Variants in PARD3 observed in about 807,000 individuals in gnomAD.
The protein encoded by PARD3 is par-3 family cell polarity regulator.
PARD3 carries 75 observed loss-of-function variants against 155.4 expected under a neutral mutation model. That is an observed-to-expected ratio of 0.48 (90% CI 0.40 to 0.58). The LOEUF (loss-of-function observed/expected upper bound fraction) is 0.58. Among genes scored for constraint, PARD3 ranks in the 20% least tolerant of loss-of-function variants. The pLI is 0.00. For synonymous variants in PARD3, 576 were observed against 610.5 expected (o/e 0.94, Z 0.83); for missense variants, 1,642 against 1,721.7 (o/e 0.95, Z 0.82).
chr10:34,456,783 T>A (rs980012209), intron 4 of PARD3, among the ~76,000 whole-genome samples: 1 of 152,210 alleles, frequency 6.6e-6, no homozygotes, highest in Non-Finnish European at 1.5e-5. Context: ...CCATAGTTCT[T>A]AAAACTCATT....
intron 2 of PARD3, among the ~76,000 whole-genome samples, chr10:34,528,980 C>G (rs2082657123): frequency 6.6e-6 from 1 of 152,108 alleles, no homozygotes; most frequent in African/African-American, 2.4e-5. Flanking sequence ...AGGAAAATGA[C>G]AGATTTTAGG....
chr10:34,814,848 C>A (rs1308926934), intron 1 of PARD3, 28 bp downstream of exon 1: 1 of 1,410,116 alleles, frequency 7.1e-7, no homozygotes, highest in East Asian at 2.8e-5. Flanking sequence ...CCGCCGCCCC[C>A]TCCCCGCCCG....
At chr10:34,754,656 G>A (rs1448517641) in intron 1 of PARD3, among the ~76,000 whole-genome samples, 1 of 152,154 alleles carries the variant, frequency 6.6e-6, no homozygotes, top group Non-Finnish European at 1.5e-5. Flanking sequence ...TTACTAACAT[G>A]TAAAAATTCC....
At chr10:34,649,129 C>A (rs2092931733) in intron 2 of PARD3, among the ~76,000 whole-genome samples, 1 of 152,154 alleles carries the variant, frequency 6.6e-6, no homozygotes, top group Non-Finnish European at 1.5e-5. Flanking sequence ...ACATGCATCG[C>A]TTAACAGGGG....
At chr10:34,220,479 G>A (rs1455137397) in intron 22 of PARD3, among the ~76,000 whole-genome samples, 2 of 152,180 alleles carry the variant, frequency 1.3e-5, no homozygotes, top group African/African-American at 4.8e-5. Context: ...TTACCTGTGC[G>A]ATTTTGTGCT....
intron 2 of PARD3, among the ~76,000 whole-genome samples, chr10:34,600,330 G>C (rs1175657088): frequency 6.6e-6 from 1 of 151,980 alleles, no homozygotes; most frequent in Admixed American, 6.6e-5. Context: ...GGGCGACAGA[G>C]CGAGACCCCG....
intron 23 of PARD3, among the ~76,000 whole-genome samples, chr10:34,129,441 T>C (rs559860014): frequency 3.3e-5 from 5 of 152,162 alleles, no homozygotes; most frequent in Admixed American, 6.5e-5. Context: ...GCACAAGCCA[T>C]TGTGCCTGGC....
intron 5 of PARD3, among the ~76,000 whole-genome samples, chr10:34,412,208 C>T (rs771346221): frequency 2.4e-4 from 36 of 152,074 alleles, no homozygotes; most frequent in Non-Finnish European, 4.7e-4. Context: ...AGCGATCTTC[C>T]CACCTTGGCC....
chr10:34,120,004 ATTTTTTTTTTTTTTTT>A (rs1185067110), intron 23 of PARD3, among the ~76,000 whole-genome samples: 1 of 73,794 alleles, frequency 1.4e-5, no homozygotes, highest in South Asian at 4.3e-4. Context: ...GTCTTCTTTA[ATTTTTTTTTTTTTTTT>A]TTTTTTTTTT....
intron 2 of PARD3, among the ~76,000 whole-genome samples, chr10:34,535,525 C>T (rs767212076): frequency 7.2e-5 from 11 of 152,172 alleles, no homozygotes; most frequent in Non-Finnish European, 1.6e-4. Context: ...CTCACTCTGT[C>T]GCCCAGGCTG....
intron 22 of PARD3, among the ~76,000 whole-genome samples, chr10:34,231,266 C>CA (rs57175956): frequency 0.11 from 8,757 of 81,704 alleles, 1,021 homozygotes; most frequent in East Asian, 0.47. Flanking sequence ...TAATCTTAGG[C>CA]AAAAAAAAAA....
In PARD3 at chr10:34,500,041, A is replaced by C. The variant is rs538557105; in HGVS notation, c.403+16938T>G. Among the ~76,000 whole-genome samples, 4 of 152,320 alleles carry C rather than the reference A, an allele frequency of 2.6e-5. No homozygotes were observed. In the South Asian group the frequency reaches 8.3e-4, roughly 32 times the overall value. The stretch of plus-strand genomic sequence containing the variant: ...AGTACAGATGCAATTTTTTTCAAAC[A>C]TTTTCAATCCATGTTGGCTGAAGCC... On this transcript the variant is annotated intron_variant, in intron 3 of 24. Coordinates refer to ENST00000374788, the MANE Select transcript of PARD3 (RefSeq NM_001184785.2).
intron 21 of PARD3, among the ~76,000 whole-genome samples, chr10:34,277,064 C>A (rs1236056402): frequency 1.3e-5 from 2 of 152,090 alleles, no homozygotes; most frequent in Non-Finnish European, 2.9e-5. Flanking sequence ...ACATTTTACC[C>A]CCAACTTACT....
At chr10:34,299,163 A>G (rs1486022497) in intron 20 of PARD3, among the ~76,000 whole-genome samples, 2 of 152,214 alleles carry the variant, frequency 1.3e-5, no homozygotes, top group Non-Finnish European at 2.9e-5. Context: ...TGGCCAACAG[A>G]GTGCGAGGAG....
At chr10:34,376,874 C>G (rs991366508) in intron 10 of PARD3, among the ~76,000 whole-genome samples, 2 of 152,008 alleles carry the variant, frequency 1.3e-5, no homozygotes, top group Admixed American at 1.3e-4. Flanking sequence ...GCAGTATCTG[C>G]TAATAAAAAT....
intron 2 of PARD3, among the ~76,000 whole-genome samples, chr10:34,642,259 C>T (rs1287341276): frequency 6.6e-6 from 1 of 152,120 alleles, no homozygotes; most frequent in African/African-American, 2.4e-5. Context: ...ACCTCCCTCT[C>T]TCCACTCAAT....
intron 17 of PARD3, 88 bp from the exon 18 acceptor site, chr10:34,336,331 T>A (rs1589222611): frequency 2.2e-6 from 2 of 917,062 alleles, no homozygotes; most frequent in East Asian, 4.9e-5. Context: ...TTTAGTTAGG[T>A]GACGATCCTC....
intron 5 of PARD3, among the ~76,000 whole-genome samples, chr10:34,406,382 A>C (rs1844477235): frequency 6.6e-6 from 1 of 152,218 alleles, no homozygotes; most frequent in Non-Finnish European, 1.5e-5. Context: ...CACAGTAAGA[A>C]ATCAGTCAGA....
intron 2 of PARD3, among the ~76,000 whole-genome samples, chr10:34,551,231 G>C (rs759521766): frequency 2.0e-5 from 3 of 152,086 alleles, no homozygotes; most frequent in African/African-American, 7.2e-5. Context: ...CTCATATCCC[G>C]AAGCAGTGCC....
Sources: gnomAD v4.1 joint callset for allele counts (sites outside exome capture counted in the v4.1 genomes callset) on GRCh38, gnomAD v4.1.1 for gene constraint, MANE v1.5 for transcripts, NCBI Gene and HGNC (gene_info 2026-07-23, HGNC 2026-07-21) for gene names.